Variants in GLYATL2 observed in about 807,000 individuals in gnomAD.
GLYATL2 encodes glycine-N-acyltransferase like 2.
A neutral mutation model predicts 21.4 loss-of-function variants in GLYATL2; 25 were observed. The ratio of observed to expected loss-of-function variants is 1.17; its 90% confidence interval spans 0.85 to 1.63. The LOEUF is 1.63. Ranked by LOEUF, GLYATL2 falls within the 40% of genes most tolerant of loss-of-function variation. GLYATL2 has a pLI of 0.00. For synonymous variants in GLYATL2, 114 were observed against 118.2 expected (o/e 0.96, Z 0.23); for missense variants, 361 against 343.3 (o/e 1.05, Z -0.41).
chr11:58,898,774 A>C (rs1187704293), intron 1 of GLYATL2, among the ~76,000 whole-genome samples: 1 of 152,116 alleles, frequency 6.6e-6, no homozygotes, highest in Non-Finnish European at 1.5e-5. Flanking sequence ...TGGAGCTTGC[A>C]GTGAGCCGAG....
At chr11:58,836,815 A>G (rs1038443602) in intron 5 of GLYATL2, among the ~76,000 whole-genome samples, 200 bp downstream of exon 5, 9 of 152,194 alleles carry the variant, frequency 5.9e-5, no homozygotes, top group African/African-American at 2.2e-4. Flanking sequence ...CCCTAAGTGA[A>G]ATAATATGCA....
intron 1 of GLYATL2, among the ~76,000 whole-genome samples, chr11:58,889,002 T>C (rs189451847): frequency 1.4e-4 from 21 of 144,870 alleles, no homozygotes; most frequent in African/African-American, 5.2e-4. Context: ...TACTAAATCT[T>C]TTCATCTACA....
In GLYATL2 at chr11:58,895,017, A is replaced by ATGG. The variant is rs1590753699; in HGVS notation, n.60+9136_60+9138dup. On this transcript the variant is annotated intron_variant and non_coding_transcript_variant, in intron 1 of 4. Coordinates refer to the GLYATL2 transcript ENST00000533636. ...GCGAATAAAATTTGCCTGTTTCAAA[A>ATGG]TGGTGCCTCGGGCAGGTCCTGTATC... Among the ~76,000 whole-genome samples the ATGG allele has an allele frequency of 2.0e-5, 3 of 152,328 alleles. No individual in the cohort carries two copies. In the East Asian group the frequency reaches 5.8e-4, roughly 29 times the overall value.
chr11:58,854,006 C>T (rs1853785925), intron 1 of GLYATL2, among the ~76,000 whole-genome samples: 1 of 152,176 alleles, frequency 6.6e-6, no homozygotes, highest in Admixed American at 6.5e-5. Context: ...CTCTCTGCTT[C>T]TATGAATTTA....
upstream of GLYATL2, among the ~76,000 whole-genome samples, chr11:58,848,599 A>C (rs545264123): frequency 6.6e-6 from 1 of 152,222 alleles, no homozygotes; most frequent in Non-Finnish European, 1.5e-5. Flanking sequence ...AGAATTAACA[A>C]AGCAGAAAAA....
chr11:58,899,855 C>A (rs193025096), intron 1 of GLYATL2, among the ~76,000 whole-genome samples: 6 of 152,202 alleles, frequency 3.9e-5, no homozygotes, highest in African/African-American at 1.4e-4. Flanking sequence ...ATAGTTGATG[C>A]TCAATTTGTT....
At chr11:58,900,491 C>T (rs539411408) in intron 1 of GLYATL2, among the ~76,000 whole-genome samples, 1 of 152,186 alleles carries the variant, frequency 6.6e-6, no homozygotes, top group Non-Finnish European at 1.5e-5. Context: ...TACTCCCGCC[C>T]GGCAGCTCCC....
intron 3 of GLYATL2, 67 bp downstream of exon 3, chr11:58,838,194 C>T: frequency 9.8e-7 from 1 of 1,020,844 alleles, no homozygotes; most frequent in Non-Finnish European, 1.5e-6. Flanking sequence ...AGTTTCAGTT[C>T]CCTCATTGCC....
At chr11:58,903,374 TTTAA>T (rs1476399175) in intron 1 of GLYATL2, among the ~76,000 whole-genome samples, 1 of 152,206 alleles carries the variant, frequency 6.6e-6, no homozygotes, top group Non-Finnish European at 1.5e-5. Context: ...TTCCCTGTAC[TTTAA>T]TTATATTTCT....
intron 1 of GLYATL2, among the ~76,000 whole-genome samples, chr11:58,889,270 G>T (rs1438527338): frequency 1.3e-5 from 2 of 151,728 alleles, no homozygotes; most frequent in Non-Finnish European, 2.9e-5. Flanking sequence ...GTGTGTGGGG[G>T]TGTTATTTGT....
At chr11:58,854,850 A>T (rs1352957731) in intron 1 of GLYATL2, among the ~76,000 whole-genome samples, 1 of 152,190 alleles carries the variant, frequency 6.6e-6, no homozygotes, top group Non-Finnish European at 1.5e-5. Flanking sequence ...CTTCACCACG[A>T]GTAGTTTCTA....
intron 1 of GLYATL2, among the ~76,000 whole-genome samples, chr11:58,895,710 A>G (rs1854622778): frequency 6.6e-6 from 1 of 152,208 alleles, no homozygotes; most frequent in Admixed American, 6.5e-5. Flanking sequence ...CAGCCCCCAT[A>G]TAATTCATTT....
chr11:58,837,488 T>G, intron 3 of GLYATL2, 91 bp from the exon 4 acceptor site: 1 of 1,243,770 alleles, frequency 8.0e-7, no homozygotes, highest in South Asian at 1.4e-5. Flanking sequence ...TTCAATTGTT[T>G]GAAATATTCT....
At chr11:58,900,402 G>A (rs1590757364) in intron 1 of GLYATL2, among the ~76,000 whole-genome samples, 1 of 152,266 alleles carries the variant, frequency 6.6e-6, no homozygotes, top group East Asian at 1.9e-4. Context: ...AAAAACCTAT[G>A]GAAGGTGCGA....
intron 1 of GLYATL2, among the ~76,000 whole-genome samples, chr11:58,859,844 G>GT (rs919751694): frequency 2.0e-5 from 3 of 152,054 alleles, no homozygotes; most frequent in Non-Finnish European, 4.4e-5. Context: ...TGGATATGCA[G>GT]TTTTTTCAAC....
At chr11:58,892,005 G>C (rs1854552840) in intron 1 of GLYATL2, among the ~76,000 whole-genome samples, 1 of 152,202 alleles carries the variant, frequency 6.6e-6, no homozygotes, top group South Asian at 2.1e-4. Flanking sequence ...ACCAGTATCT[G>C]TCAGTGAAAC....
chr11:58,903,400 C>A (rs532638501), intron 1 of GLYATL2, among the ~76,000 whole-genome samples: 1 of 152,248 alleles, frequency 6.6e-6, no homozygotes, highest in African/African-American at 2.4e-5. Context: ...AGGCCTGGTG[C>A]AGTGGCTCAT....
chr11:58,868,246 G>C (rs1023098533), intron 1 of GLYATL2, among the ~76,000 whole-genome samples: 4 of 148,716 alleles, frequency 2.7e-5, no homozygotes, highest in Non-Finnish European at 6.0e-5. Context: ...TGACCCTCTG[G>C]TCTTAGAGCT....
chr11:58,873,591 T>C (rs907301221), intron 1 of GLYATL2, among the ~76,000 whole-genome samples: 1 of 152,336 alleles, frequency 6.6e-6, no homozygotes, highest in African/African-American at 2.4e-5. Flanking sequence ...ATTACGTTTA[T>C]TGATTTGAGT....
Sources: gnomAD v4.1 joint callset for allele counts (sites outside exome capture counted in the v4.1 genomes callset) on GRCh38, gnomAD v4.1.1 for gene constraint, MANE v1.5 for transcripts, NCBI Gene and HGNC (gene_info 2026-07-23, HGNC 2026-07-21) for gene names.